ANKRD11: variants seen among roughly 807,000 people sequenced by gnomAD.
The protein encoded by ANKRD11 is ankyrin repeat domain 11.
In ANKRD11, 17 loss-of-function variants were observed where a neutral mutation model predicts 195.7. That is an observed-to-expected ratio of 0.09 (90% CI 0.06 to 0.13). The LOEUF is 0.13. Ranked by LOEUF, ANKRD11 falls within the 10% of genes least tolerant of loss-of-function variation. ANKRD11 has a pLI of 1.00. For missense variants in ANKRD11, 3,735 were observed against 3,566.1 expected, an observed-to-expected ratio of 1.05 and a Z score of -1.21; for synonymous variants, 1,953 against 1,528.1, an observed-to-expected ratio of 1.28 and a Z score of -6.49.
intron 2 of ANKRD11, among the ~76,000 whole-genome samples, chr16:89,320,806 C>A (rs1180705236): frequency 6.6e-6 from 1 of 152,262 alleles, no homozygotes; most frequent in Non-Finnish European, 1.5e-5. Context: ...CCAGCTGATG[C>A]TGGGAACAGC....
intron 2 of ANKRD11, chr16:89,324,207 G>A: frequency 8.4e-7 from 1 of 1,187,900 alleles, no homozygotes; most frequent in South Asian, 1.6e-5. Context: ...AGCGCGTTCA[G>A]CATTACTGGC....
intron 7 of ANKRD11, chr16:89,288,234 C>A: frequency 1.6e-6 from 1 of 614,148 alleles, no homozygotes; most frequent in Non-Finnish European, 2.9e-6. Flanking sequence ...GGCCTCCTTC[C>A]ACTTGGTGTA....
intron 2 of ANKRD11, among the ~76,000 whole-genome samples, chr16:89,344,655 TGAG>T (rs1288387536): frequency 2.0e-5 from 3 of 152,134 alleles, no homozygotes; most frequent in South Asian, 2.1e-4. Context: ...GGGCCAGAAA[TGAG>T]GGCACCCTCA....
chr16:89,322,351 C>T (rs958529741), intron 2 of ANKRD11, among the ~76,000 whole-genome samples: 3 of 152,220 alleles, frequency 2.0e-5, no homozygotes, highest in African/African-American at 7.2e-5. Flanking sequence ...CCTTTACGTA[C>T]GTCCTGGGCA....
intron 1 of ANKRD11, among the ~76,000 whole-genome samples, chr16:89,441,104 T>C (rs990796117): frequency 1.2e-4 from 18 of 151,054 alleles, no homozygotes; most frequent in South Asian, 2.1e-4. Flanking sequence ...GGCGTGGTGG[T>C]GGGCGCCTGT....
At chr16:89,419,226 C>T (rs367592986) in intron 1 of ANKRD11, among the ~76,000 whole-genome samples, 3 of 151,690 alleles carry the variant, frequency 2.0e-5, no homozygotes, top group East Asian at 1.9e-4. Flanking sequence ...CCGAGGTGGG[C>T]GGATCACTTG....
In ANKRD11 at chr16:89,487,220, C is replaced by G. The variant is rs573070757; in HGVS notation, c.-145+3025G>C. On this transcript the variant is annotated intron_variant, in intron 1 of 12. Coordinates refer to ENST00000301030, the MANE Select transcript of ANKRD11 (RefSeq NM_013275.6). ...ACAAGGGATGCACCATCATTTTCAC[C>G]GATTAACTACAAATACCTTGCTATT... Among the ~76,000 whole-genome samples, 83 of 152,118 alleles carry G rather than the reference C, an allele frequency of 5.5e-4. 2 individuals carry two copies. The highest frequency in any genetic ancestry group is 1.0e-4 in the Non-Finnish European group (7 of 68,030).
chr16:89,285,337 G>A lies in ANKRD11; in HGVS notation c.1205C>T (p.Ala402Val), dbSNP rs201526691. The A allele has an allele frequency of 1.2e-5, 20 of 1,614,022 alleles. No individual in the cohort carries two copies. The highest frequency in any genetic ancestry group is 5.5e-5 in the South Asian group (5 of 91,090). ...TKNNTIAPKK[A>V]SHRILSDTSD... The stretch of plus-strand genomic sequence containing the variant: ...CGTGTCTGACAGGATACGATGGGAC[G>A]CTTTCTTTGGTGCAATCGTGTTATT... Residue 402 changes from alanine (A) to valine (V), a missense_variant, in exon 9 of 13, where the codon GCG (alanine) becomes GTG (valine). Ala to Val is a moderately conservative substitution (Grantham distance 64, BLOSUM62 0). Coordinates refer to ENST00000301030, the MANE Select transcript of ANKRD11 (RefSeq NM_013275.6). This position sits in a 1 kb window ranked among gnomAD's most constrained non-coding sequence, Gnocchi z 5.6.
At chr16:89,296,112 A>G (rs1183894828) in intron 4 of ANKRD11, among the ~76,000 whole-genome samples, 1 of 148,348 alleles carries the variant, frequency 6.7e-6, no homozygotes, top group African/African-American at 2.5e-5. Context: ...CTTCAGCCTC[A>G]GGAGTAGCTG....
intron 1 of ANKRD11, among the ~76,000 whole-genome samples, chr16:89,425,234 G>C (rs1166876814): frequency 6.6e-6 from 1 of 152,126 alleles, no homozygotes; most frequent in African/African-American, 2.4e-5. Context: ...TGAGGCCCTA[G>C]AAGTGTGAGA....
chr16:89,289,358 G>T (rs1032679884), intron 6 of ANKRD11, among the ~76,000 whole-genome samples: 2 of 152,220 alleles, frequency 1.3e-5, no homozygotes, highest in African/African-American at 2.4e-5. Context: ...AATCTAGAAG[G>T]ATTCTACACA....
intron 2 of ANKRD11, among the ~76,000 whole-genome samples, chr16:89,349,828 A>G (rs190512378): frequency 1.3e-5 from 2 of 151,456 alleles, no homozygotes; most frequent in Admixed American, 1.3e-4. Context: ...AGACACTATT[A>G]AGAAATAAAA....
chr16:89,451,966 T>C (rs991869459), intron 1 of ANKRD11, among the ~76,000 whole-genome samples: 4 of 152,246 alleles, frequency 2.6e-5, no homozygotes, highest in African/African-American at 7.2e-5. Flanking sequence ...TGGTATCAAA[T>C]AGCTCATTTG....
At chr16:89,365,662 A>G (rs1269924386) in intron 2 of ANKRD11, among the ~76,000 whole-genome samples, 1 of 152,170 alleles carries the variant, frequency 6.6e-6, no homozygotes, top group Non-Finnish European at 1.5e-5. Context: ...CTTTTACCGC[A>G]ATTCTTCCTG....
chr16:89,446,030 T>A (rs755875137), intron 1 of ANKRD11, among the ~76,000 whole-genome samples: 4 of 148,610 alleles, frequency 2.7e-5, no homozygotes, highest in Non-Finnish European at 5.9e-5. Context: ...ACCAGCCTAG[T>A]ATATGTTCCT....
intron 2 of ANKRD11, chr16:89,396,056 T>C (rs1183987854): frequency 6.6e-6 from 1 of 152,118 alleles, no homozygotes; most frequent in Non-Finnish European, 1.5e-5. Flanking sequence ...TACTGGCAGA[T>C]CATTTCTAAA....
intron 12 of ANKRD11, among the ~76,000 whole-genome samples, 190 bp from the exon 13 acceptor site, chr16:89,268,853 A>G (rs549395265): frequency 2.2e-4 from 33 of 152,306 alleles, no homozygotes; most frequent in Middle Eastern, 3.4e-3. Flanking sequence ...GCTGTGCTAC[A>G]TGTCTGTCCC....
At chr16:89,275,265 CG>C in intron 9 of ANKRD11, 74 bp from the exon 10 acceptor site, 1 of 1,334,326 alleles carries the variant, frequency 7.5e-7, no homozygotes, top group Non-Finnish European at 1.0e-6. Context: ...CTGGAGTTCA[CG>C]GGGGTCCCGA....
chr16:89,320,844 G>T (rs557535468), intron 2 of ANKRD11, among the ~76,000 whole-genome samples: 1 of 152,384 alleles, frequency 6.6e-6, no homozygotes, highest in Admixed American at 6.5e-5. Flanking sequence ...TCTCCACACT[G>T]CGAGAGCCCC....
Sources: allele counts gnomAD v4.1 joint callset (sites outside exome capture counted in the v4.1 genomes callset), GRCh38; gene constraint gnomAD v4.1.1; non-coding constraint Gnocchi (gnomAD v3.1); transcripts MANE v1.5; gene names NCBI Gene and HGNC (gene_info 2026-07-23, HGNC 2026-07-21).